The following MYO5B variants were observed in gnomAD, a reference collection of about 807,000 sequenced individuals.
MYO5B encodes myosin VB, also known as unconventional myosin-Vb.
MYO5B carries 143 observed loss-of-function variants against 229.3 expected under a neutral mutation model. The observed-to-expected ratio is 0.62, with a 90% CI of 0.54 to 0.72. The LOEUF is 0.72. MYO5B is among the 30% of genes least tolerant of loss of function. MYO5B has a pLI of 0.00. For missense variants in MYO5B, 2,321 were observed against 2,331.0 expected, an observed-to-expected ratio of 1.00 and a Z score of 0.09; for synonymous variants, 918 against 885.2, an observed-to-expected ratio of 1.04 and a Z score of -0.66.
Position 49,837,786 on chromosome 18 carries a change from T to A in MYO5B, c.4869A>T (p.Glu1623Asp). 6.2e-7 allele frequency: 1 copy of A among 1,614,158 alleles called. No homozygotes were observed. ...LQPMIVSAML[E>D]NESIQGLSGV... ...CAGATAGACCCTGAATGCTCTCATTTTCCAACATGGCAGAAACTGAAATAA... is the reference window on the plus strand; with the variant it reads ...CAGATAGACCCTGAATGCTCTCATTATCCAACATGGCAGAAACTGAAATAA... Residue 1623 changes from glutamate (E) to aspartate (D), a missense_variant, in exon 37 of 40, where the codon GAA becomes GAT. By Grantham distance (45) the Glu-to-Asp change is conservative (BLOSUM62 2). Transcript: ENST00000285039.
intron 4 of MYO5B, among the ~76,000 whole-genome samples, chr18:50,002,658 A>G (rs1307061171): frequency 2.0e-5 from 3 of 152,196 alleles, no homozygotes; most frequent in Non-Finnish European, 2.9e-5. Flanking sequence ...CCTACCTCCC[A>G]TTCACAAACC....
intron 21 of MYO5B, among the ~76,000 whole-genome samples, chr18:49,901,608 A>G (rs183038871): frequency 5.3e-4 from 81 of 152,330 alleles, no homozygotes; most frequent in Admixed American, 1.7e-3. Context: ...GCCCCATTTT[A>G]TGGATAAGAA....
intron 12 of MYO5B, among the ~76,000 whole-genome samples, chr18:49,959,736 G>A (rs1486314160): frequency 6.6e-6 from 1 of 152,182 alleles, no homozygotes. Flanking sequence ...TCCTCTGAGA[G>A]AAAGTGGACT....
At chr18:50,072,561 C>A (rs1028212649) in intron 1 of MYO5B, among the ~76,000 whole-genome samples, 2 of 152,200 alleles carry the variant, frequency 1.3e-5, no homozygotes, top group African/African-American at 4.8e-5. Context: ...AGCTATCTTA[C>A]CTCACAAGGG....
intron 1 of MYO5B, among the ~76,000 whole-genome samples, chr18:50,173,221 C>T (rs1280713607): frequency 1.3e-5 from 2 of 151,042 alleles, no homozygotes; most frequent in Non-Finnish European, 1.5e-5. Context: ...GCCAAGATCA[C>T]ACCACTGCAC....
chr18:49,979,645 T>C (rs2025793147), intron 9 of MYO5B, among the ~76,000 whole-genome samples: 1 of 152,234 alleles, frequency 6.6e-6, no homozygotes, highest in South Asian at 2.1e-4. Context: ...TTCCAGTGTC[T>C]GGTTATTTAA....
At chr18:50,018,795 G>A (rs1598957412) in intron 4 of MYO5B, among the ~76,000 whole-genome samples, 1 of 152,148 alleles carries the variant, frequency 6.6e-6, no homozygotes, top group Non-Finnish European at 1.5e-5. Flanking sequence ...GTTTTAGTGG[G>A]CAGCCATTTC....
intron 1 of MYO5B, among the ~76,000 whole-genome samples, chr18:50,158,775 C>T (rs1013904537): frequency 2.6e-5 from 4 of 152,136 alleles, no homozygotes; most frequent in African/African-American, 9.7e-5. Flanking sequence ...TTATGGTCTC[C>T]CTAAGGAGCC....
intron 27 of MYO5B, among the ~76,000 whole-genome samples, chr18:49,869,166 C>T (rs774130345): frequency 2.6e-5 from 4 of 152,214 alleles, no homozygotes; most frequent in Non-Finnish European, 4.4e-5. Context: ...CAGTACACTT[C>T]CCATCCCTTT....
At chr18:50,092,610 G>A (rs2031471206) in intron 1 of MYO5B, among the ~76,000 whole-genome samples, 1 of 152,158 alleles carries the variant, frequency 6.6e-6, no homozygotes, top group Non-Finnish European at 1.5e-5. Flanking sequence ...GGGGTTCCTG[G>A]AAGAGGTTGG....
intron 4 of MYO5B, among the ~76,000 whole-genome samples, chr18:50,012,286 A>T (rs1390411508): frequency 6.6e-6 from 1 of 152,202 alleles, no homozygotes; most frequent in African/African-American, 2.4e-5. Flanking sequence ...CAGCAATTCA[A>T]ATACCTTGTA....
intron 10 of MYO5B, among the ~76,000 whole-genome samples, chr18:49,965,767 G>A (rs1298034233): frequency 6.6e-6 from 1 of 152,178 alleles, no homozygotes; most frequent in Non-Finnish European, 1.5e-5. Context: ...CAGAGAGGAG[G>A]AGAAGTTTCA....
chr18:49,984,470 C>T (rs117077321), intron 8 of MYO5B, among the ~76,000 whole-genome samples: 1,782 of 152,322 alleles, frequency 0.012, 14 homozygotes, highest in Non-Finnish European at 0.018. Context: ...AGGGTCACTG[C>T]ACAGTGCCTG....
chr18:49,954,346 G>T lies in MYO5B; in HGVS notation c.1635C>A (p.Asn545Lys), dbSNP rs1328954280. The T allele has an allele frequency of 1.2e-6, 2 of 1,614,102 alleles. No individual in the cohort carries two copies. The highest frequency in any genetic ancestry group is 3.3e-5 in the Admixed American group (2 of 60,020). Residue 545 changes from asparagine to lysine, a missense_variant, in exon 13 of 40, where the codon AAC becomes AAA. Around this residue, in one of 2 missense-constraint regions of MYO5B, gnomAD observed 2,113 missense variants for 2,044.7 expected, o/e 1.03. Coordinates refer to ENST00000285039, the MANE Select transcript of MYO5B (RefSeq NM_001080467.3). ...CAAAGTGGACGATGATGAAGGCCGTGTTGGACATGCGGGGCTTCTGGAAGT... is the reference window on the plus strand; with the variant it reads ...CAAAGTGGACGATGATGAAGGCCGTTTTGGACATGCGGGGCTTCTGGAAGT... ...SQHFQKPRMSNTAFIIVHFAD... is the reference protein window; with the variant it reads ...SQHFQKPRMSKTAFIIVHFAD...
At chr18:49,916,401 C>T (rs934938149) in intron 17 of MYO5B, among the ~76,000 whole-genome samples, 3 of 152,178 alleles carry the variant, frequency 2.0e-5, no homozygotes, top group Non-Finnish European at 2.9e-5. Flanking sequence ...GATGCCGCCC[C>T]TCCGCTACCT....
At chr18:49,964,915 T>G (rs1267184350) in intron 10 of MYO5B, among the ~76,000 whole-genome samples, 1 of 151,738 alleles carries the variant, frequency 6.6e-6, no homozygotes, top group Non-Finnish European at 1.5e-5. Flanking sequence ...GAGGCAGGGG[T>G]CCTCCCTCAG....
rs1444107763 is a variant in MYO5B, at chr18:49,902,699, C to T, written c.2706G>A (p.Glu902=). ...GGGCCTCAATCCTGAGGGCCTTCAG[C>T]TCCCGCCTGGCCTTGAGCATCCGGA... ...CAFRMLKARR[E]LKALRIEARS... is the part of the protein sequence containing the mutation. Residue 902 remains glutamate, a synonymous_variant, in exon 21 of 40, where the codon GAG becomes GAA. Transcript: ENST00000285039. 2 of 1,612,176 alleles carry T rather than the reference C, an allele frequency of 1.2e-6. No individual in the cohort carries two copies. The highest frequency in any genetic ancestry group is 1.3e-5 in the African/African-American group (1 of 74,936).
intron 14 of MYO5B, among the ~76,000 whole-genome samples, chr18:49,949,498 C>T (rs2065539255): frequency 6.6e-6 from 1 of 152,186 alleles, no homozygotes; most frequent in Admixed American, 6.5e-5. Flanking sequence ...GACAATGGAA[C>T]TGGCTTCACT....
At position 49,826,236 on chromosome 18, in the gene MYO5B, A is replaced by G; in HGVS notation, c.*235T>C. The G allele has an allele frequency of 3.8e-6, 2 of 524,082 alleles. No individual in the cohort carries two copies. The highest frequency in any genetic ancestry group is 6.9e-6 in the Non-Finnish European group (2 of 291,162). The allele number at this position is 524,082 out of a possible 1,614,324, so 32.5% of individuals were successfully genotyped here. The stretch of plus-strand genomic sequence containing the variant: ...TCTATAAATTATGTATATGTGTTGG[A>G]CTGAAATCAAACTTAAAATCTTCCA... On this transcript the variant is annotated 3_prime_UTR_variant, in exon 40 of 40. Transcript: ENST00000285039.
Sources: allele counts gnomAD v4.1 joint callset (sites outside exome capture counted in the v4.1 genomes callset), GRCh38; gene constraint gnomAD v4.1.1; regional missense constraint gnomAD v4.1.1; transcripts MANE v1.5; gene names NCBI Gene and HGNC (gene_info 2026-07-23, HGNC 2026-07-21).